Variants in HFM1 observed in about 807,000 individuals in gnomAD.
The protein encoded by HFM1 is helicase for meiosis 1, also known as probable ATP-dependent DNA helicase HFM1.
In HFM1, 169 loss-of-function variants were observed where a neutral mutation model predicts 192.1. That is an observed-to-expected ratio of 0.88 (90% confidence interval 0.78 to 1.00). The LOEUF (loss-of-function observed/expected upper bound fraction) is 1.00, where lower values mean the gene tolerates loss of function less well. HFM1 is among the 50% of genes least tolerant of loss of function. The probability of loss-of-function intolerance (pLI) is 0.00; values close to 1 mark genes in which losing one functional copy is unlikely to be tolerated. For synonymous variants in HFM1, 525 were observed against 537.8 expected (o/e 0.98, Z 0.33); for missense variants, 1,661 against 1,668.0 (o/e 1.00, Z 0.07).
chr1:91,378,320 G>T, intron 10 of HFM1, 83 bp downstream of exon 10: 1 of 1,292,764 alleles, frequency 7.7e-7, no homozygotes, highest in Non-Finnish European at 1.1e-6. Flanking sequence ...CAAACATATA[G>T]TTTGGTTGCA....
intron 13 of HFM1, among the ~76,000 whole-genome samples, chr1:91,361,360 A>G (rs1009655535): frequency 1.1e-4 from 16 of 152,188 alleles, no homozygotes; most frequent in African/African-American, 3.9e-4. Context: ...ATCAGAAATG[A>G]TATGGGGGAT....
chr1:91,378,281 A>G, intron 10 of HFM1, 98 bp from the exon 11 acceptor site: 1 of 1,277,322 alleles, frequency 7.8e-7, no homozygotes, highest in South Asian at 1.4e-5. Flanking sequence ...GCTTGAGAAA[A>G]TGAGCATTTT....
intron 4 of HFM1, 48 bp from the exon 5 acceptor site, chr1:91,385,882 C>T (rs17485293): frequency 0.013 from 19,261 of 1,494,324 alleles, 165 homozygotes; most frequent in Non-Finnish European, 0.015. Flanking sequence ...GTAACACTTG[C>T]TTGGAATATG....
At chr1:91,401,488 A>C (rs1272903482) in intron 1 of HFM1, among the ~76,000 whole-genome samples, 9 of 152,200 alleles carry the variant, frequency 5.9e-5, no homozygotes, top group Admixed American at 5.2e-4. Context: ...TGGGCTCTTA[A>C]TACTTTGTTC....
At chr1:91,393,977 A>G in intron 4 of HFM1, 116 bp downstream of exon 4, 1 of 562,622 alleles carries the variant, frequency 1.8e-6, no homozygotes, top group South Asian at 3.1e-5. Flanking sequence ...GGAATTATTT[A>G]GGAGATAGAA....
At position 91,380,212 on chromosome 1, in the gene HFM1, C is replaced by T; in HGVS notation, c.898G>A (p.Val300Met). The change falls in exon 8 of 39, where the codon GTG (valine) becomes ATG (methionine). Residue 300 changes from valine (V) to methionine (M), a missense_variant. Coordinates refer to ENST00000370425, the MANE Select transcript of HFM1 (RefSeq NM_001017975.6). ...DDLLYTDRNF[V>M]ICAPTGSGKT... is the part of the protein sequence containing the mutation. ...CCAGAACCAGTTGGAGCACAAATCA[C>T]AAAATTCCTATCTGTGTAAAGAAGC... 1 of 1,578,444 alleles carries T rather than the reference C, an allele frequency of 6.3e-7. No individual in the cohort carries two copies.
intron 4 of HFM1, 105 bp from the exon 5 acceptor site, chr1:91,385,939 G>A (rs1025505421): frequency 1.2e-5 from 10 of 865,050 alleles, no homozygotes; most frequent in South Asian, 7.7e-5. Context: ...CATAGATTAT[G>A]GTTTACTCAA....
intron 30 of HFM1, among the ~76,000 whole-genome samples, chr1:91,289,944 A>T (rs1036632236): frequency 9.9e-5 from 15 of 152,172 alleles, no homozygotes; most frequent in Non-Finnish European, 2.1e-4. Flanking sequence ...ATATCCAGCC[A>T]AACTAAGCTT....
intron 20 of HFM1, chr1:91,328,824 T>C: frequency 1.2e-6 from 2 of 1,611,418 alleles, no homozygotes; most frequent in East Asian, 2.2e-5. Flanking sequence ...CTGAGCCTCA[T>C]GGGCATCCCT....
At chr1:91,305,734 C>T (rs1169908343) in intron 30 of HFM1, among the ~76,000 whole-genome samples, 1 of 151,596 alleles carries the variant, frequency 6.6e-6, no homozygotes, top group Non-Finnish European at 1.5e-5. Context: ...CACCTGGCTA[C>T]TTTTTTCTAT....
At chr1:91,318,823 G>GA (rs1160323305) in intron 25 of HFM1, among the ~76,000 whole-genome samples, 2 of 152,114 alleles carry the variant, frequency 1.3e-5, no homozygotes, top group East Asian at 3.9e-4. Flanking sequence ...CTTGGTATGA[G>GA]AAAAAATTTT....
chr1:91,302,224 C>T (rs1404084430), intron 30 of HFM1, among the ~76,000 whole-genome samples: 1 of 151,218 alleles, frequency 6.6e-6, no homozygotes, highest in Non-Finnish European at 1.5e-5. Context: ...AAATCAAAAC[C>T]ACAATGAGAT....
intron 30 of HFM1, among the ~76,000 whole-genome samples, chr1:91,282,195 GCC>G (rs1045892916): frequency 6.6e-6 from 1 of 151,966 alleles, no homozygotes; most frequent in African/African-American, 2.4e-5. Flanking sequence ...TTCTTAAATT[GCC>G]CCCCTTTTCT....
intron 20 of HFM1, chr1:91,328,666 G>T: frequency 6.3e-7 from 1 of 1,595,208 alleles, no homozygotes; most frequent in Non-Finnish European, 8.6e-7. Flanking sequence ...CAAGTCAGGC[G>T]AGCTGGCCAA....
intron 20 of HFM1, among the ~76,000 whole-genome samples, chr1:91,325,731 A>G (rs757338116): frequency 6.6e-6 from 1 of 152,168 alleles, no homozygotes; most frequent in Non-Finnish European, 1.5e-5. Flanking sequence ...CACCTCCAGG[A>G]AAACATGACC....
intron 13 of HFM1, among the ~76,000 whole-genome samples, chr1:91,364,632 A>ATTTTTTT (rs61550398): frequency 6.6e-4 from 44 of 66,784 alleles, no homozygotes; most frequent in South Asian, 1.3e-3. Flanking sequence ...ATATATATAT[A>ATTTTTTT]TTTTTTTTTT....
intron 4 of HFM1, among the ~76,000 whole-genome samples, chr1:91,392,898 AGTGGCCACCAG>A (rs1313246220): frequency 6.6e-6 from 1 of 152,198 alleles, no homozygotes; most frequent in Non-Finnish European, 1.5e-5. Flanking sequence ...AAAGTAGATT[AGTGGCCACCAG>A]GTGCTGTGGA....
chr1:91,313,543 C>T (rs747070524), intron 29 of HFM1, 48 bp from the exon 30 acceptor site: 1 of 1,330,232 alleles, frequency 7.5e-7, no homozygotes, highest in Admixed American at 2.2e-5. Context: ...TCATATAAAT[C>T]CACATATGAG....
chr1:91,373,800 A>G (rs1306827573), intron 13 of HFM1, among the ~76,000 whole-genome samples: 1 of 150,990 alleles, frequency 6.6e-6, no homozygotes, highest in Non-Finnish European at 1.5e-5. Context: ...AGCCAATTAA[A>G]CCTCCCTTCT....
Sources: allele counts gnomAD v4.1 joint callset (sites outside exome capture counted in the v4.1 genomes callset), GRCh38; gene constraint gnomAD v4.1.1; transcripts MANE v1.5; gene names NCBI Gene and HGNC (gene_info 2026-07-23, HGNC 2026-07-21).